Variants in USH2A observed in about 807,000 individuals in gnomAD.
USH2A encodes the protein Usher syndrome 2A (autosomal recessive, mild).
In USH2A, 443 loss-of-function variants were observed where a neutral mutation model predicts 538.9. The observed-to-expected ratio is 0.82, with a 90% CI of 0.76 to 0.89. USH2A has a LOEUF of 0.89. Ranked by LOEUF, USH2A falls within the 40% of genes least tolerant of loss-of-function variation. The probability of loss-of-function intolerance (pLI) is 0.00; values close to 1 mark genes in which losing one functional copy is unlikely to be tolerated. For synonymous variants in USH2A, 2,413 were observed against 2,273.5 expected, an observed-to-expected ratio of 1.06 and a Z score of -1.75; for missense variants, 6,633 against 6,324.8, an observed-to-expected ratio of 1.05 and a Z score of -1.65.
rs779519736 is a variant in USH2A at position 215,998,912 on chromosome 1, C to A, written c.6632G>T (p.Gly2211Val). 61 of 1,612,830 alleles carry A rather than the reference C, an allele frequency of 3.8e-5. No individual in the cohort carries two copies. The highest frequency in any genetic ancestry group is 5.0e-5 in the Non-Finnish European group (59 of 1,179,426). The part of the protein sequence containing the change: ...QDHMLQYVLP[G>V]NKYLIKLGAC... Reference sequence around the variant, plus strand: ...TCCCAGCTTGATGAGATATTTATTACCAGGTAAAACGTATTGTAGCATATG... The same window carrying A: ...TCCCAGCTTGATGAGATATTTATTAACAGGTAAAACGTATTGTAGCATATG... The change falls in exon 34 of 72, where the codon GGT becomes GTT. Residue 2211 changes from glycine to valine, a missense_variant. Gly to Val is a moderately radical substitution (Grantham distance 109, BLOSUM62 -3). Coordinates refer to ENST00000307340, the MANE Select transcript of USH2A (RefSeq NM_206933.4).
intron 39 of USH2A, 54 bp from the exon 40 acceptor site, chr1:215,900,271 A>G: frequency 6.2e-7 from 1 of 1,600,156 alleles, no homozygotes. Context: ...AAGAAATAAA[A>G]GCAAGTAAAT....
chr1:215,811,124 A>C (rs1419067365), intron 49 of USH2A, among the ~76,000 whole-genome samples: 1 of 152,216 alleles, frequency 6.6e-6, no homozygotes, highest in Non-Finnish European at 1.5e-5. Context: ...TCTAGCCTAC[A>C]AGCTACCCTG....
intron 38 of USH2A, 192 bp from the exon 39 acceptor site, chr1:215,901,097 A>G: frequency 4.2e-6 from 3 of 708,198 alleles, no homozygotes; most frequent in East Asian, 2.8e-5. Flanking sequence ...ACACAATTAC[A>G]TTAGTATTTC....
intron 4 of USH2A, among the ~76,000 whole-genome samples, chr1:216,345,425 C>T (rs1415333521): frequency 2.0e-5 from 3 of 152,046 alleles, no homozygotes; most frequent in Non-Finnish European, 2.9e-5. Flanking sequence ...GGCTATGATG[C>T]GTCAAGCTGG....
intron 64 of USH2A, among the ~76,000 whole-genome samples, chr1:215,656,708 G>A (rs1293992985): frequency 6.6e-6 from 1 of 152,152 alleles, no homozygotes; most frequent in African/African-American, 2.4e-5. Flanking sequence ...TGAGCTCTCT[G>A]CAACTTCTGT....
At chr1:216,409,842 G>T (rs2039455719) in intron 3 of USH2A, among the ~76,000 whole-genome samples, 1 of 151,878 alleles carries the variant, frequency 6.6e-6, no homozygotes, top group Admixed American at 6.6e-5. Context: ...TCACGACAGA[G>T]ATGCCAAAAG....
At chr1:215,779,724 G>C (rs1661565620) in intron 55 of USH2A, 119 bp downstream of exon 55, 1 of 1,241,376 alleles carries the variant, frequency 8.1e-7, no homozygotes. Context: ...CATATGTCAA[G>C]AGAACACGTC....
chr1:216,366,103 C>T (rs1303434278), intron 3 of USH2A, among the ~76,000 whole-genome samples: 1 of 151,944 alleles, frequency 6.6e-6, no homozygotes, highest in Non-Finnish European at 1.5e-5. Flanking sequence ...TGTTCAAGTG[C>T]TTTTAGCTTA....
intron 57 of USH2A, among the ~76,000 whole-genome samples, chr1:215,759,387 G>A (rs1660910825): frequency 6.6e-6 from 1 of 151,908 alleles, no homozygotes; most frequent in Non-Finnish European, 1.5e-5. Context: ...AGATAATTTG[G>A]TAATTTTTAA....
intron 35 of USH2A, among the ~76,000 whole-genome samples, chr1:215,984,628 T>C (rs1667829237): frequency 6.6e-6 from 1 of 152,218 alleles, no homozygotes; most frequent in Non-Finnish European, 1.5e-5. Flanking sequence ...TTGTCATATA[T>C]AACCAAGGAA....
At chr1:215,804,906 A>T (rs1290718536) in intron 49 of USH2A, among the ~76,000 whole-genome samples, 5 of 152,040 alleles carry the variant, frequency 3.3e-5, no homozygotes, top group Admixed American at 1.3e-4. Flanking sequence ...AATGATAGAC[A>T]GGATTAAGAA....
In USH2A at chr1:216,282,969, T is replaced by TA. The variant is rs377644821; in HGVS notation, c.1971+6310_1971+6311insT. ...TCTAAATATTTTAATCTTTTGGTGATTTTTAAAAGACGTTTTCTTAATTTT... is the reference window on the plus strand; with the variant it reads ...TCTAAATATTTTAATCTTTTGGTGATATTTTAAAAGACGTTTTCTTAATTTT... On this transcript the variant is annotated intron_variant, in intron 11 of 71. Transcript: ENST00000307340. Among the ~76,000 whole-genome samples, 755 of 152,358 alleles carry TA rather than the reference T, an allele frequency of 5.0e-3. 7 individuals carry two copies. Among genetic ancestry groups the TA allele is most frequent in the African/African-American group, 0.018 (736 of 41,578 alleles).
At chr1:215,783,781 T>G in intron 52 of USH2A, among the ~76,000 whole-genome samples, 1 of 152,220 alleles carries the variant, frequency 6.6e-6, no homozygotes, top group East Asian at 1.9e-4. Flanking sequence ...TGTTAGCTTC[T>G]GGATGACTCT....
chr1:216,160,169 T>A (rs2034029096), intron 21 of USH2A, among the ~76,000 whole-genome samples: 1 of 151,918 alleles, frequency 6.6e-6, no homozygotes, highest in South Asian at 2.1e-4. Flanking sequence ...ATAATTTCTT[T>A]TATTCAAATA....
chr1:215,826,944 A>G (rs548835076), intron 47 of USH2A, among the ~76,000 whole-genome samples: 1 of 152,300 alleles, frequency 6.6e-6, no homozygotes, highest in South Asian at 2.1e-4. Flanking sequence ...TACTTCAAAG[A>G]TATATGTCCT....
At chr1:216,362,648 T>C (rs1412268014) in intron 4 of USH2A, among the ~76,000 whole-genome samples, 1 of 152,064 alleles carries the variant, frequency 6.6e-6, no homozygotes, top group Non-Finnish European at 1.5e-5. Context: ...ACATTAATAA[T>C]AGTATTATTT....
At position 216,196,732 on chromosome 1, in the gene USH2A, A is replaced by G. The variant is rs776740282; in HGVS notation, c.4082-10T>C. The G allele has an allele frequency of 1.2e-6, 2 of 1,611,962 alleles. No homozygotes were observed. The highest frequency in any genetic ancestry group is 1.7e-6 in the Non-Finnish European group (2 of 1,178,848). On this transcript the variant is annotated splice_polypyrimidine_tract_variant and intron_variant, in intron 18 of 71. Transcript: ENST00000307340. ...ATCATGAATACAGGTGCTATCAATG[A>G]GAACAATAACAATAACATCAAAACA... is the stretch of plus-strand genomic sequence containing the variant.
intron 43 of USH2A, among the ~76,000 whole-genome samples, chr1:215,875,916 AAT>A (rs1558139360): frequency 6.9e-6 from 1 of 145,314 alleles, no homozygotes; most frequent in Non-Finnish European, 1.5e-5. Context: ...ATAAATATAT[AAT>A]ATATATTGAT....
intron 14 of USH2A, among the ~76,000 whole-genome samples, chr1:216,223,111 C>G (rs1309679663): frequency 6.6e-6 from 1 of 151,714 alleles, no homozygotes; most frequent in East Asian, 1.9e-4. Context: ...TCATTTAGAG[C>G]CTCTGATTTC....
Sources: allele counts gnomAD v4.1 joint callset (sites outside exome capture counted in the v4.1 genomes callset), GRCh38; gene constraint gnomAD v4.1.1; transcripts MANE v1.5; gene names NCBI Gene and HGNC (gene_info 2026-07-23, HGNC 2026-07-21).